RBMS3: variants seen among roughly 807,000 people sequenced by gnomAD.
RBMS3 encodes the protein RNA binding motif single stranded interacting protein 3, also known as RNA-binding motif, single-stranded-interacting protein 3.
In RBMS3, 27 loss-of-function variants were observed where a neutral mutation model predicts 66.8. The ratio of observed to expected loss-of-function variants is 0.40; its 90% CI spans 0.30 to 0.56. The LOEUF is 0.56. RBMS3 is among the 20% of genes least tolerant of loss of function. The probability of loss-of-function intolerance (pLI) is 0.40; values close to 1 mark genes in which losing one functional copy is unlikely to be tolerated. For synonymous variants in RBMS3, 188 were observed against 183.0 expected (o/e 1.03, Z -0.22); for missense variants, 513 against 549.5 (o/e 0.93, Z 0.66).
intron 4 of RBMS3, among the ~76,000 whole-genome samples, chr3:29,712,419 C>T (rs1458091800): frequency 6.6e-6 from 1 of 151,174 alleles, no homozygotes; most frequent in Non-Finnish European, 1.5e-5. Flanking sequence ...CTCAAGTGAT[C>T]CTCCTACGTC....
chr3:29,296,336 A>G (rs2033260307), intron 1 of RBMS3, among the ~76,000 whole-genome samples: 1 of 151,826 alleles, frequency 6.6e-6, no homozygotes, highest in African/African-American at 2.4e-5. Context: ...AAGGCTTTGG[A>G]AATCAGAATT....
chr3:29,814,194 C>T (rs867603452), intron 6 of RBMS3, among the ~76,000 whole-genome samples: 1,531 of 151,332 alleles, frequency 0.01, 16 homozygotes, highest in Non-Finnish European at 0.014. Flanking sequence ...GCATGAAGGG[C>T]TGTTGAATTT....
chr3:29,988,064 C>T, intron 12 of RBMS3, 79 bp from the exon 13 acceptor site: 1 of 1,165,244 alleles, frequency 8.6e-7, no homozygotes, highest in Non-Finnish European at 1.3e-6. Flanking sequence ...ATAGCTAAAG[C>T]AGTCTCCTGT....
intron 4 of RBMS3, among the ~76,000 whole-genome samples, chr3:29,647,122 C>T (rs1431111291): frequency 2.0e-5 from 3 of 152,038 alleles, no homozygotes; most frequent in African/African-American, 2.4e-5. Context: ...GGACTACAGG[C>T]GCGTACCACC....
At chr3:29,893,415 AAT>A (rs2060050583) in intron 8 of RBMS3, among the ~76,000 whole-genome samples, 2 of 151,566 alleles carry the variant, frequency 1.3e-5, no homozygotes, top group South Asian at 4.2e-4. Flanking sequence ...TTTCATTTTT[AAT>A]ACTCCAATTG....
At chr3:29,740,155 C>T (rs573559971) in intron 5 of RBMS3, among the ~76,000 whole-genome samples, 1 of 152,130 alleles carries the variant, frequency 6.6e-6, no homozygotes, top group East Asian at 1.9e-4. Flanking sequence ...CCTCTCTGTG[C>T]CTGTGGATCA....
At chr3:29,934,338 C>G (rs549998581) in intron 10 of RBMS3, among the ~76,000 whole-genome samples, 1 of 151,936 alleles carries the variant, frequency 6.6e-6, no homozygotes, top group East Asian at 1.9e-4. Context: ...GGACTTCCAT[C>G]TTAACTCTGA....
chr3:29,854,079 C>T (rs956241139), intron 6 of RBMS3, among the ~76,000 whole-genome samples: 3 of 152,190 alleles, frequency 2.0e-5, no homozygotes, highest in Non-Finnish European at 4.4e-5. Flanking sequence ...CCCCTCTGTG[C>T]TGTGAGTCTG....
intron 3 of RBMS3, among the ~76,000 whole-genome samples, chr3:29,495,679 A>G (rs2043721596): frequency 6.6e-6 from 1 of 152,008 alleles, no homozygotes; most frequent in South Asian, 2.1e-4. Context: ...CGGCCTCCCA[A>G]AATGCTGGGA....
At chr3:29,517,248 G>GTGTA in intron 3 of RBMS3, among the ~76,000 whole-genome samples, 2 of 150,530 alleles carry the variant, frequency 1.3e-5, no homozygotes, top group African/African-American at 4.9e-5. Flanking sequence ...ATTCTCATCT[G>GTGTA]TGTATGTGAG....
At chr3:29,691,947 C>A (rs1332567053) in intron 4 of RBMS3, among the ~76,000 whole-genome samples, 1 of 53,540 alleles carries the variant, frequency 1.9e-5, no homozygotes, top group Non-Finnish European at 3.9e-5. Flanking sequence ...CTCTCTCTCT[C>A]TATTTTTTTT....
chr3:29,463,683 C>A (rs1251134701), intron 2 of RBMS3, among the ~76,000 whole-genome samples: 3 of 150,950 alleles, frequency 2.0e-5, no homozygotes, highest in Non-Finnish European at 4.4e-5. Flanking sequence ...TAGCACTACT[C>A]TGGGTCCTGG....
At chr3:29,858,919 A>C (rs1223771383) in intron 6 of RBMS3, among the ~76,000 whole-genome samples, 2 of 152,200 alleles carry the variant, frequency 1.3e-5, no homozygotes, top group African/African-American at 4.8e-5. Context: ...GTTTCTAGTC[A>C]AATAGCTGTT....
chr3:29,397,122 T>C (rs2039588244), intron 1 of RBMS3, among the ~76,000 whole-genome samples: 2 of 152,136 alleles, frequency 1.3e-5, no homozygotes, highest in Admixed American at 1.3e-4. Flanking sequence ...AATCATTTCG[T>C]AAAGGGAGAA....
At chr3:29,741,107 A>T (rs990969467) in intron 5 of RBMS3, among the ~76,000 whole-genome samples, 15 of 152,184 alleles carry the variant, frequency 9.9e-5, no homozygotes, top group Non-Finnish European at 1.6e-4. Context: ...AAGATAACAA[A>T]TCGTCATGTA....
chr3:29,741,646 A>G (rs914279043), intron 5 of RBMS3, among the ~76,000 whole-genome samples: 1 of 152,182 alleles, frequency 6.6e-6, no homozygotes, highest in Non-Finnish European at 1.5e-5. Context: ...TTTTTCTTTA[A>G]ACAAAGGATG....
intron 1 of RBMS3, among the ~76,000 whole-genome samples, chr3:29,386,129 A>C (rs984390278): frequency 2.0e-5 from 3 of 152,048 alleles, no homozygotes; most frequent in Non-Finnish European, 4.4e-5. Context: ...TGGTATATCC[A>C]ATTGACTTTT....
At chr3:29,514,706 C>CATATATATGTGTATATG (rs1374454756) in intron 3 of RBMS3, among the ~76,000 whole-genome samples, 1 of 117,588 alleles carries the variant, frequency 8.5e-6, no homozygotes, top group Admixed American at 8.7e-5. Flanking sequence ...ATATGATAGG[C>CATATATATGTGTATATG]ATATATATGT....
intron 5 of RBMS3, among the ~76,000 whole-genome samples, chr3:29,757,435 A>G (rs1400721932): frequency 1.3e-5 from 2 of 152,268 alleles, no homozygotes; most frequent in African/African-American, 4.8e-5. Context: ...TTGCAGTCCA[A>G]ATAAAACATA....
Sources: gnomAD v4.1 joint callset for allele counts (sites outside exome capture counted in the v4.1 genomes callset) on GRCh38, gnomAD v4.1.1 for gene constraint, MANE v1.5 for transcripts, NCBI Gene and HGNC (gene_info 2026-07-23, HGNC 2026-07-21) for gene names.